Variants in VCL observed in about 807,000 individuals in gnomAD.
VCL encodes the protein epididymis luminal protein 114.
In VCL, 47 loss-of-function variants were observed where a neutral mutation model predicts 125.7. That is an observed-to-expected ratio of 0.37 (90% CI 0.30 to 0.48). The LOEUF (loss-of-function observed/expected upper bound fraction) is 0.48. Ranked by LOEUF, VCL falls within the 20% of genes least tolerant of loss-of-function variation. VCL has a pLI of 0.99. For missense variants in VCL, 1,069 were observed against 1,455.5 expected, an observed-to-expected ratio of 0.73 and a Z score of 4.32; for synonymous variants, 458 against 514.6, an observed-to-expected ratio of 0.89 and a Z score of 1.49.
intron 2 of VCL, among the ~76,000 whole-genome samples, chr10:74,067,312 A>G (rs1841585649): frequency 6.6e-6 from 1 of 152,136 alleles, no homozygotes; most frequent in South Asian, 2.1e-4. Flanking sequence ...ATCATTGATC[A>G]TTAAGGAATT....
chr10:74,017,589 G>A (rs1168619087), intron 1 of VCL, among the ~76,000 whole-genome samples: 19 of 141,840 alleles, frequency 1.3e-4, no homozygotes, highest in Admixed American at 3.6e-4. Context: ...GTCTGGTTTT[G>A]TTGCCCAGGC....
intron 10 of VCL, among the ~76,000 whole-genome samples, chr10:74,091,141 A>G (rs780206358): frequency 6.6e-5 from 10 of 152,188 alleles, no homozygotes; most frequent in Non-Finnish European, 1.5e-4. Flanking sequence ...TTTAAGAAAA[A>G]AACCCCTGCA....
chr10:74,051,990 C>T (rs1159342663), intron 2 of VCL, among the ~76,000 whole-genome samples: 3 of 152,132 alleles, frequency 2.0e-5, no homozygotes, highest in Non-Finnish European at 4.4e-5. Context: ...GGCAGTTCTG[C>T]ATTCATATTT....
intron 1 of VCL, among the ~76,000 whole-genome samples, chr10:74,008,660 G>A (rs1840362398): frequency 6.6e-6 from 1 of 152,072 alleles, no homozygotes; most frequent in East Asian, 1.9e-4. Flanking sequence ...GGCTGATTTG[G>A]GCCCAGCCTT....
In VCL at chr10:74,090,084, C is replaced by T. The variant is rs794729190; in HGVS notation, c.1238C>T (p.Ala413Val). 2.5e-6 allele frequency: 4 copies of T among 1,614,008 alleles called. No homozygotes were observed. The Admixed American group carries it at 6.7e-5, about 27-fold the overall frequency. The change falls in exon 10 of 22, where the codon GCT (alanine) becomes GTT (valine). Residue 413 changes from alanine (A) to valine (V), a missense_variant. Ala to Val is a moderately conservative substitution (Grantham distance 64). This residue lies in a region of VCL where 760 missense variants were observed against 928.9 expected (regional missense o/e 0.82). Transcript: ENST00000211998. ...GAAGAGCAGATTCGAGGTGCTTTGG[C>T]TGAAGCTCGGAAAATAGCAGAATTA... The part of the protein sequence containing the change: ...EGEEQIRGAL[A>V]EARKIAELCD...
At chr10:74,031,491 A>G (rs1038942925) in intron 1 of VCL, among the ~76,000 whole-genome samples, 28 of 152,340 alleles carry the variant, frequency 1.8e-4, no homozygotes, top group African/African-American at 6.7e-4. Flanking sequence ...AAGAGCTAAA[A>G]CTATAAAATT....
rs868311056 is a variant in VCL, at chr10:74,018,216, A to G, written c.168+19841A>G. On this transcript the variant is annotated intron_variant, in intron 1 of 21. Coordinates refer to ENST00000211998, the MANE Select transcript of VCL (RefSeq NM_014000.3). Reference sequence around the variant, plus strand: ...TATATATATATAAATACATATATATATGTGTATTATTTTATTTTATTTTAT... The same window carrying G: ...TATATATATATAAATACATATATATGTGTGTATTATTTTATTTTATTTTAT... Among the ~76,000 whole-genome samples, 159 of 144,194 alleles carry G rather than the reference A, an allele frequency of 1.1e-3. 1 individual carries two copies. The highest frequency in any genetic ancestry group is 2.6e-3 in the African/African-American group (103 of 39,820). 94.6% of individuals were successfully genotyped at this position (144,194 alleles called of 152,430 possible).
intron 1 of VCL, among the ~76,000 whole-genome samples, chr10:74,032,262 A>G (rs1005851954): frequency 4.7e-5 from 7 of 148,516 alleles, no homozygotes; most frequent in Admixed American, 2.0e-4. Context: ...AAAAAAAAAG[A>G]AAAAGGAAAA....
chr10:74,059,169 A>G (rs1276248139), intron 2 of VCL, among the ~76,000 whole-genome samples: 1 of 152,258 alleles, frequency 6.6e-6, no homozygotes, highest in African/African-American at 2.4e-5. Flanking sequence ...AGTCTGGCCA[A>G]CATGGTGAAA....
At chr10:74,045,308 T>TA (rs922982346) in intron 2 of VCL, among the ~76,000 whole-genome samples, 18 of 151,684 alleles carry the variant, frequency 1.2e-4, no homozygotes, top group Non-Finnish European at 2.4e-4. Context: ...GATAGATAGA[T>TA]ATGTAGGTTC....
chr10:74,086,188 G>T (rs879504183), intron 8 of VCL, among the ~76,000 whole-genome samples: 1 of 152,128 alleles, frequency 6.6e-6, no homozygotes, highest in African/African-American at 2.4e-5. Flanking sequence ...TCTTAAAGGC[G>T]TGGTTCTTAA....
At chr10:74,063,071 A>C (rs1841505358) in intron 2 of VCL, among the ~76,000 whole-genome samples, 2 of 151,974 alleles carry the variant, frequency 1.3e-5, no homozygotes, top group Admixed American at 6.6e-5. Context: ...CTTTGTCTAA[A>C]AAAAAGAAGA....
intron 6 of VCL, among the ~76,000 whole-genome samples, chr10:74,082,013 A>T (rs902929722): frequency 1.3e-5 from 2 of 152,188 alleles, no homozygotes; most frequent in Non-Finnish European, 2.9e-5. Flanking sequence ...TCAAAACAAG[A>T]TGTAAAAGAA....
At chr10:74,093,129 T>G (rs1466798724) in intron 10 of VCL, among the ~76,000 whole-genome samples, 1 of 152,148 alleles carries the variant, frequency 6.6e-6, no homozygotes, top group Non-Finnish European at 1.5e-5. Context: ...AAAACCCGTT[T>G]CTACTAAAAA....
At chr10:74,045,541 T>A (rs962328106) in intron 2 of VCL, among the ~76,000 whole-genome samples, 1 of 150,554 alleles carries the variant, frequency 6.6e-6, no homozygotes, top group Non-Finnish European at 1.5e-5. Context: ...GAGAATCACT[T>A]GAATCCGGGT....
chr10:74,077,501 G>T, intron 6 of VCL: 1 of 173,664 alleles, frequency 5.8e-6, no homozygotes, highest in Non-Finnish European at 1.3e-5. Context: ...TAGGATTTTG[G>T]CTCTTTTTCA....
intron 1 of VCL, among the ~76,000 whole-genome samples, chr10:74,042,232 A>T (rs1316322358): frequency 6.6e-6 from 1 of 152,158 alleles, no homozygotes; most frequent in Admixed American, 6.5e-5. Flanking sequence ...ATAGTACTCA[A>T]CCTAACGATA....
chr10:74,117,183 C>T (rs1252289678), intron 21 of VCL, among the ~76,000 whole-genome samples: 2 of 152,006 alleles, frequency 1.3e-5, no homozygotes, highest in African/African-American at 2.4e-5. Flanking sequence ...TATGAAATAC[C>T]TCCTGTGTGC....
intron 1 of VCL, among the ~76,000 whole-genome samples, chr10:74,038,212 G>C (rs1256387493): frequency 6.6e-6 from 1 of 152,056 alleles, no homozygotes; most frequent in Non-Finnish European, 1.5e-5. Context: ...GGCCAGGGTG[G>C]TCTCGAATTC....
Sources: allele counts gnomAD v4.1 joint callset (sites outside exome capture counted in the v4.1 genomes callset), GRCh38; gene constraint gnomAD v4.1.1; regional missense constraint gnomAD v4.1.1; transcripts MANE v1.5; gene names NCBI Gene and HGNC (gene_info 2026-07-23, HGNC 2026-07-21).